FSCN1: variants seen among roughly 807,000 people sequenced by gnomAD.
The protein encoded by FSCN1 is fascin actin-bundling protein 1.
A neutral mutation model predicts 39.7 loss-of-function variants in FSCN1; 10 were observed. That is an observed-to-expected ratio of 0.25 (90% CI 0.16 to 0.43). FSCN1 has a LOEUF of 0.43. Among genes scored for constraint, FSCN1 ranks in the 20% least tolerant of loss-of-function variants. The pLI is 1.00. For missense variants in FSCN1, 525 were observed against 723.8 expected (o/e 0.73, Z 3.15); for synonymous variants, 322 against 320.0 (o/e 1.01, Z -0.07).
chr7:5,594,868 C>T (rs1471032533), intron 1 of FSCN1: 1 of 152,328 alleles, frequency 6.6e-6, no homozygotes, highest in African/African-American at 2.4e-5. Context: ...GACTGCAACT[C>T]GATCCGTCCC....
chr7:5,602,986 A>C, intron 1 of FSCN1: 1 of 503,352 alleles, frequency 2.0e-6, no homozygotes, highest in Non-Finnish European at 3.6e-6. Context: ...TTGCGATCAC[A>C]GGCATGAGCC....
chr7:5,603,322 C>G lies in FSCN1; in HGVS notation c.898C>G (p.Arg300Gly), dbSNP rs535034843. Residue 300 changes from arginine to glycine, a missense_variant, in exon 2 of 5, where the codon CGC (arginine) becomes GGC (glycine). By Grantham distance (125) the Arg-to-Gly change is moderately radical. Transcript: ENST00000382361. This position sits in a 1 kb window ranked among gnomAD's most constrained non-coding sequence, Gnocchi z 8.5. ...GGAGACCTTCCAGCTGGAGATCGACCGCGACACCAAAAAGTGTGCCTTCCG... is the reference window on the plus strand; with the variant it reads ...GGAGACCTTCCAGCTGGAGATCGACGGCGACACCAAAAAGTGTGCCTTCCG... ...DQETFQLEID[R>G]DTKKCAFRTH... The G allele has an allele frequency of 6.2e-7, 1 of 1,613,450 alleles. No homozygotes were observed. Among genetic ancestry groups the G allele is most frequent in the Admixed American group, 1.7e-5 (1 of 60,024 alleles).
At position 5,603,446 on chromosome 7, in the gene FSCN1, C is replaced by T; in HGVS notation, c.989+33C>T. On this transcript the variant is annotated intron_variant, in intron 2 of 4. Coordinates refer to ENST00000382361, the MANE Select transcript of FSCN1 (RefSeq NM_003088.4). This position sits in a 1 kb window ranked among gnomAD's most constrained non-coding sequence, Gnocchi z 8.5. ...CCTCGCTCCCACCTGTCACCGCCCC[C>T]ACCACCTTGCCTGGGCTACCCCGCC... The T allele has an allele frequency of 6.2e-7, 1 of 1,613,898 alleles. No individual in the cohort carries two copies. Among genetic ancestry groups the T allele is most frequent in the Non-Finnish European group, 8.5e-7 (1 of 1,179,966 alleles).
rs1440033020 is a variant in FSCN1, at chr7:5,592,954, A to G, written c.18A>G (p.Thr6=). 3.2e-6 allele frequency: 5 copies of G among 1,554,428 alleles called. No homozygotes were observed. The Admixed American group carries it at 7.8e-5, about 24-fold the overall frequency. ...CTGCCACCATGACCGCCAACGGCACAGCCGAGGCGGTGCAGATCCAGTTCG... is the reference window on the plus strand; with the variant it reads ...CTGCCACCATGACCGCCAACGGCACGGCCGAGGCGGTGCAGATCCAGTTCG... MTANG[T]AEAVQIQFGL... Residue 6 remains threonine, a synonymous_variant, in exon 1 of 5, where the codon ACA becomes ACG. Coordinates refer to ENST00000382361, the MANE Select transcript of FSCN1 (RefSeq NM_003088.4). This position sits in a 1 kb window ranked among gnomAD's most constrained non-coding sequence, Gnocchi z 5.3.
rs1785855019 is a variant in FSCN1, at chr7:5,602,599, A to G, written c.833-658A>G. Among the ~76,000 whole-genome samples, 3 of 152,228 alleles carry G rather than the reference A, an allele frequency of 2.0e-5. 1 individual carries two copies. Among genetic ancestry groups the G allele is most frequent in the South Asian group, 4.1e-4 (2 of 4,830 alleles). Reference sequence around the variant, plus strand: ...CGAGGCCATTTTCTTATGTAACCACAACGTGATCAACAGTAATCAATGCTT... The same window carrying G: ...CGAGGCCATTTTCTTATGTAACCACGACGTGATCAACAGTAATCAATGCTT... On this transcript the variant is annotated intron_variant, in intron 1 of 4. Transcript: ENST00000382361.
Position 5,593,509 on chromosome 7 carries a change from C to A in FSCN1, c.573C>A (p.Ala191=), listed in dbSNP as rs755807383. ...ACCAGCGCTACAGCGTGCAGACCGCCGACCACCGCTTCCTGCGCCACGACG... is the reference window on the plus strand; with the variant it reads ...ACCAGCGCTACAGCGTGCAGACCGCAGACCACCGCTTCCTGCGCCACGACG... ...FQDQRYSVQT[A]DHRFLRHDGR... Residue 191 remains alanine (A), a synonymous_variant, in exon 1 of 5, where the codon GCC becomes GCA. Transcript: ENST00000382361. 1.9e-6 allele frequency: 3 copies of A among 1,606,706 alleles called. No individual in the cohort carries two copies. The highest frequency in any genetic ancestry group is 4.5e-5 in the East Asian group (2 of 44,702).
rs1335365060 is a variant in FSCN1, at chr7:5,593,590, C to T, written c.654C>T (p.Ser218=). 1.3e-6 allele frequency: 2 copies of T among 1,563,564 alleles called. No homozygotes were observed. Among genetic ancestry groups the T allele is most frequent in the Admixed American group, 1.9e-5 (1 of 53,574 alleles). ...CTGGCTACACGCTGGAGTTCCGCTCCGGCAAGGTGGCCTTCCGCGACTGCG... is the reference window on the plus strand; with the variant it reads ...CTGGCTACACGCTGGAGTTCCGCTCTGGCAAGGTGGCCTTCCGCGACTGCG... ...PATGYTLEFR[S]GKVAFRDCEG... is the part of the protein sequence containing the mutation. Residue 218 remains serine, a synonymous_variant, in exon 1 of 5, where the codon TCC becomes TCT. Transcript: ENST00000382361.
At chr7:5,596,097 C>T (rs905673664) in intron 1 of FSCN1, among the ~76,000 whole-genome samples, 6 of 148,992 alleles carry the variant, frequency 4.0e-5, no homozygotes, top group Non-Finnish European at 7.4e-5. Context: ...GTCCTTATCT[C>T]GTTTCTATGT....
chr7:5,595,492 T>TG (rs1240340389), intron 1 of FSCN1, among the ~76,000 whole-genome samples: 4 of 152,116 alleles, frequency 2.6e-5, no homozygotes, highest in Non-Finnish European at 5.9e-5. Flanking sequence ...CACGTTCTCT[T>TG]GGGGACATTA....
At chr7:5,596,668 AC>A (rs1785736029) in intron 1 of FSCN1, among the ~76,000 whole-genome samples, 1 of 151,962 alleles carries the variant, frequency 6.6e-6, no homozygotes, top group Admixed American at 6.6e-5. Flanking sequence ...CAGGGATAGG[AC>A]CTGTCCTCCC....
rs1785863415 is a variant in FSCN1 at position 5,603,108 on chromosome 7, C to T, written c.833-149C>T. The T allele has an allele frequency of 4.9e-6, 4 of 811,704 alleles. No homozygotes were observed. Among genetic ancestry groups the T allele is most frequent in the Non-Finnish European group, 8.0e-6 (4 of 502,066 alleles). 50.3% of individuals were successfully genotyped at this position (811,704 alleles called of 1,614,324 possible). ...CTGCGTTCCTGGGTGCTCTCTGCTG[C>T]TTCTCATGTGTGCCACTGTGGGGAC... On this transcript the variant is annotated intron_variant, in intron 1 of 4. Transcript: ENST00000382361. The surrounding 1 kb of genome is among the most constrained non-coding windows in gnomAD (Gnocchi z 8.5).
Position 5,593,192 on chromosome 7 carries a change from G to A in FSCN1, c.256G>A (p.Gly86Ser), listed in dbSNP as rs776462529. The A allele has an allele frequency of 6.2e-7, 1 of 1,602,374 alleles. No homozygotes were observed. Among genetic ancestry groups the A allele is most frequent in the Admixed American group, 1.7e-5 (1 of 58,698 alleles). The stretch of plus-strand genomic sequence containing the variant: ...CGTGACCTGCGAGCGCGAGGTGCCC[G>A]GTCCCGACTGCCGTTTCCTCATCGT... The part of the protein sequence containing the change: ...GNVTCEREVP[G>S]PDCRFLIVAH... The change falls in exon 1 of 5, where the codon GGT (glycine) becomes AGT (serine). Residue 86 changes from glycine to serine, a missense_variant. Gly to Ser is a moderately conservative substitution (Grantham distance 56). Coordinates refer to ENST00000382361, the MANE Select transcript of FSCN1 (RefSeq NM_003088.4).
rs374456091 is a variant in FSCN1 at position 5,605,480 on chromosome 7, G to C, written c.*6G>C. ...CCTCGCTCTGGGAGTACTAGGGCCG[G>C]CCCGTCCTTCCCCGCCCCTGCCCAC... On this transcript the variant is annotated 3_prime_UTR_variant, in exon 5 of 5. Coordinates refer to ENST00000382361, the MANE Select transcript of FSCN1 (RefSeq NM_003088.4). The surrounding 1 kb of genome is among the most constrained non-coding windows in gnomAD (Gnocchi z 6.9). The C allele has an allele frequency of 2.0e-4, 311 of 1,545,310 alleles. No homozygotes were observed. Among genetic ancestry groups the C allele is most frequent in the Non-Finnish European group, 2.6e-4 (295 of 1,142,720 alleles).
chr7:5,605,488 T>A lies in FSCN1; in HGVS notation c.*14T>A, dbSNP rs1029693597. ...TGGGAGTACTAGGGCCGGCCCGTCC[T>A]TCCCCGCCCCTGCCCACATGGCGGC... On this transcript the variant is annotated 3_prime_UTR_variant, in exon 5 of 5. Transcript: ENST00000382361. The surrounding 1 kb of genome is among the most constrained non-coding windows in gnomAD (Gnocchi z 6.9). 1.3e-6 allele frequency: 2 copies of A among 1,522,668 alleles called. No homozygotes were observed. Among genetic ancestry groups the A allele is most frequent in the African/African-American group, 2.7e-5 (2 of 72,738 alleles). The allele number at this position is 1,522,668 out of a possible 1,614,324, so 94.3% of individuals were successfully genotyped here.
At chr7:5,597,384 G>T (rs1785748370) in intron 1 of FSCN1, among the ~76,000 whole-genome samples, 1 of 148,748 alleles carries the variant, frequency 6.7e-6, no homozygotes, top group Non-Finnish European at 1.5e-5. Flanking sequence ...AATTTTTTTT[G>T]GCCTGGTGCG....
Position 5,599,432 on chromosome 7 carries a change from C to T in FSCN1, c.833-3825C>T, listed in dbSNP as rs1186713832. On this transcript the variant is annotated intron_variant, in intron 1 of 4. Transcript: ENST00000382361. This position sits in a 1 kb window ranked among gnomAD's most constrained non-coding sequence, Gnocchi z 5.6. ...ACCTTAGGCAAGGACATGCCACCAC[C>T]GGCCTTAGTCTCCCTCTTTGTGAAG... 1.3e-5 allele frequency among the ~76,000 whole-genome samples: 2 copies of T among 152,178 alleles called. No individual in the cohort carries two copies. Among genetic ancestry groups the T allele is most frequent in the African/African-American group, 4.8e-5 (2 of 41,444 alleles).
At position 5,592,994 on chromosome 7, in the gene FSCN1, G is replaced by T. The variant is rs1378337892; in HGVS notation, c.58G>T (p.Gly20Cys). 2 of 1,594,940 alleles carry T rather than the reference G, an allele frequency of 1.3e-6. No homozygotes were observed. Among genetic ancestry groups the T allele is most frequent in the Non-Finnish European group, 8.5e-7 (1 of 1,171,018 alleles). Residue 20 changes from glycine to cysteine, a missense_variant, in exon 1 of 5, where the codon GGC becomes TGC. Gly to Cys is a radical substitution (Grantham distance 159, BLOSUM62 -3). Around this residue, in one of 3 missense-constraint regions of FSCN1, gnomAD observed 246 missense variants for 350.6 expected, o/e 0.70. Coordinates refer to ENST00000382361, the MANE Select transcript of FSCN1 (RefSeq NM_003088.4). This position sits in a 1 kb window ranked among gnomAD's most constrained non-coding sequence, Gnocchi z 5.3. ...VQIQFGLINCGNKYLTAEAFG... is the reference protein window; with the variant it reads ...VQIQFGLINCCNKYLTAEAFG... Reference sequence around the variant, plus strand: ...GATCCAGTTCGGCCTCATCAACTGCGGCAACAAGTACCTGACGGCCGAGGC... The same window carrying T: ...GATCCAGTTCGGCCTCATCAACTGCTGCAACAAGTACCTGACGGCCGAGGC...
intron 4 of FSCN1, among the ~76,000 whole-genome samples, chr7:5,604,321 G>A (rs1402840673): frequency 6.6e-6 from 1 of 151,744 alleles, no homozygotes; most frequent in African/African-American, 2.4e-5. Context: ...GAGGAGAGCA[G>A]GGGAGGGGAG....
rs751736271 is a variant in FSCN1, at chr7:5,603,446, C to A, written c.989+33C>A. ...CCTCGCTCCCACCTGTCACCGCCCC[C>A]ACCACCTTGCCTGGGCTACCCCGCC... On this transcript the variant is annotated intron_variant, in intron 2 of 4. Transcript: ENST00000382361. This position sits in a 1 kb window ranked among gnomAD's most constrained non-coding sequence, Gnocchi z 8.5. 6.2e-7 allele frequency: 1 copy of A among 1,613,898 alleles called. No individual in the cohort carries two copies. Among genetic ancestry groups the A allele is most frequent in the South Asian group, 1.1e-5 (1 of 91,082 alleles).
Sources: allele counts gnomAD v4.1 joint callset (sites outside exome capture counted in the v4.1 genomes callset), GRCh38; gene constraint gnomAD v4.1.1; regional missense constraint gnomAD v4.1.1; non-coding constraint Gnocchi (gnomAD v3.1); transcripts MANE v1.5; gene names NCBI Gene and HGNC (gene_info 2026-07-23, HGNC 2026-07-21).